Variants in SAMD9 observed in about 807,000 individuals in gnomAD.
SAMD9 encodes sterile alpha motif domain-containing protein 9.
A neutral mutation model predicts 1.5 loss-of-function variants in SAMD9; 3 were observed. The ratio of observed to expected loss-of-function variants is 2.05; its 90% confidence interval spans 0.93 to 5.29. SAMD9 has a LOEUF of 5.29. Among genes scored for constraint, SAMD9 ranks in the 30% most tolerant of loss-of-function variants. The pLI, the probability that SAMD9 is intolerant of heterozygous loss-of-function variation, is 0.02. For synonymous variants in SAMD9, 635 were observed against 631.9 expected (o/e 1.00, Z -0.07); for missense variants, 1,597 against 1,820.8 (o/e 0.88, Z 2.24).
rs148977164 is a variant in SAMD9 at position 93,104,880 on chromosome 7, A to G, written c.1218T>C (p.Asp406=). ...GAATGTACTGTTCATAGTATGAATT[A>G]TCTAACAAATCTTGATTTCCTGTCA... ...KLLTGNQDLL[D]NSYYEQYILV... is the part of the protein sequence containing the mutation. Residue 406 remains aspartate, a synonymous_variant, in exon 3 of 3, where the codon GAT becomes GAC. Coordinates refer to ENST00000379958, the MANE Select transcript of SAMD9 (RefSeq NM_017654.4). 14 of 1,612,880 alleles carry G rather than the reference A, an allele frequency of 8.7e-6. No homozygotes were observed. The highest frequency in any genetic ancestry group is 1.3e-5 in the African/African-American group (1 of 74,916).
At chr7:93,106,244 G>T in intron 2 of SAMD9, 139 bp from the exon 3 acceptor site, 1 of 507,430 alleles carries the variant, frequency 2.0e-6, no homozygotes, top group Non-Finnish European at 3.3e-6. Flanking sequence ...TTGAGAGAAT[G>T]TGACTATTGC....
chr7:93,102,388 T>G lies in SAMD9; in HGVS notation c.3710A>C (p.Asp1237Ala), dbSNP rs371082830. Residue 1237 changes from aspartate (D) to alanine (A), a missense_variant, in exon 3 of 3, where the codon GAT becomes GCT. By Grantham distance (126) the Asp-to-Ala change is moderately radical. Coordinates refer to ENST00000379958, the MANE Select transcript of SAMD9 (RefSeq NM_017654.4). ...YMVNFVSGSSDIPGDPNNEYK... is the reference protein window; with the variant it reads ...YMVNFVSGSSAIPGDPNNEYK... ...TTCATTGTTTGGATCCCCTGGAATA[T>G]CACTACTTCCTGATACAAAATTGAC... The G allele has an allele frequency of 7.5e-6, 12 of 1,610,026 alleles. No homozygotes were observed. The highest frequency in any genetic ancestry group is 1.0e-5 in the Non-Finnish European group (12 of 1,176,628).
intron 2 of SAMD9, 47 bp downstream of exon 2, chr7:93,114,748 T>G (rs951218797): frequency 6.6e-6 from 1 of 152,090 alleles, no homozygotes; most frequent in Non-Finnish European, 1.5e-5. Context: ...ACTGAATAAA[T>G]TGAAAACTGA....
chr7:93,113,802 G>T (rs899659544), intron 2 of SAMD9, among the ~76,000 whole-genome samples: 1 of 152,150 alleles, frequency 6.6e-6, no homozygotes, highest in South Asian at 2.1e-4. Flanking sequence ...GGAAACAACA[G>T]GTGCTGGAGA....
At position 93,100,925 on chromosome 7, in the gene SAMD9, G is replaced by T; in HGVS notation, c.*403C>A. The T allele has an allele frequency of 4.1e-6, 1 of 241,638 alleles. No homozygotes were observed. Among genetic ancestry groups the T allele is most frequent in the Admixed American group, 5.2e-5 (1 of 19,272 alleles). The allele number at this position is 241,638 out of a possible 1,614,324, so 15.0% of individuals were successfully genotyped here. On this transcript the variant is annotated 3_prime_UTR_variant, in exon 3 of 3. Coordinates refer to ENST00000379958, the MANE Select transcript of SAMD9 (RefSeq NM_017654.4). ...TTGCTCCTCAGTTTGAGAGGTTTTT[G>T]CTGTCTTTGAGAAATATTTTCCCAG...
At position 93,104,470 on chromosome 7, in the gene SAMD9, A is replaced by C. The variant is rs762514368; in HGVS notation, c.1628T>G (p.Phe543Cys). 1 of 1,614,048 alleles carries C rather than the reference A, an allele frequency of 6.2e-7. No homozygotes were observed. The highest frequency in any genetic ancestry group is 8.5e-7 in the Non-Finnish European group (1 of 1,179,908). The change falls in exon 3 of 3, where the codon TTT (phenylalanine) becomes TGT (cysteine). Residue 543 changes from phenylalanine to cysteine, a missense_variant. Coordinates refer to ENST00000379958, the MANE Select transcript of SAMD9 (RefSeq NM_017654.4). ...IMPRGKFLVV[F>C]LLLSSVDDPR... ...GTCATCCACAGAGGACAGTAATAGA[A>C]ATACCACCAAAAACTTCCCTCTTGG...
In SAMD9 at chr7:93,105,066, T is replaced by G; in HGVS notation, c.1032A>C (p.Arg344=). ...TAATGTCCTTAGAGCTGGTCCCATC[T>G]CGCACAAATAGTGAGAATTTTTTAC... is the stretch of plus-strand genomic sequence containing the variant. ...EQSKKFSLFV[R]DGTSSKDITK... is the part of the protein sequence containing the mutation. The change falls in exon 3 of 3, where the codon CGA becomes CGC. Residue 344 remains arginine, a synonymous_variant. Transcript: ENST00000379958. 2 of 1,614,038 alleles carry G rather than the reference T, an allele frequency of 1.2e-6. No individual in the cohort carries two copies. The highest frequency in any genetic ancestry group is 8.5e-7 in the Non-Finnish European group (1 of 1,179,962).
rs1383665674 is a variant in SAMD9, at chr7:93,099,799, C to G, written c.*1529G>C. The G allele has an allele frequency of 6.6e-6, 1 of 152,092 alleles. No homozygotes were observed. Among genetic ancestry groups the G allele is most frequent in the Non-Finnish European group, 1.5e-5 (1 of 68,006 alleles). 9.4% of individuals were successfully genotyped at this position (152,092 alleles called of 1,614,324 possible). A position where few individuals can be genotyped will look rare whatever the true frequency, so the allele number is the denominator to read the frequency against. ...TGTTAACTCAGGACTAATCTTGTTT[C>G]GGTTCTACTTCCCTTTCACCACCCC... is the stretch of plus-strand genomic sequence containing the variant. On this transcript the variant is annotated 3_prime_UTR_variant, in exon 3 of 3. Transcript: ENST00000379958.
Position 93,104,002 on chromosome 7 carries a change from T to C in SAMD9, c.2096A>G (p.Glu699Gly). Residue 699 changes from glutamate to glycine, a missense_variant, in exon 3 of 3, where the codon GAA becomes GGA. Around this residue, in one of 6 missense-constraint regions of SAMD9, gnomAD observed 358 missense variants for 460.4 expected, o/e 0.78. Coordinates refer to ENST00000379958, the MANE Select transcript of SAMD9 (RefSeq NM_017654.4). ...TTTGACAAAAGGTGAAGAATAACTT[T>C]CAGAAGAGAAGTAGAAGTTCCACCA... is the stretch of plus-strand genomic sequence containing the variant. ...VSWWNFYFSS[E>G]SYSSPFVKRD... 6.2e-7 allele frequency: 1 copy of C among 1,613,928 alleles called. No individual in the cohort carries two copies. The highest frequency in any genetic ancestry group is 8.5e-7 in the Non-Finnish European group (1 of 1,179,820).
Position 93,103,778 on chromosome 7 carries a change from C to T in SAMD9, c.2320G>A (p.Gly774Arg). 1.2e-6 allele frequency: 2 copies of T among 1,613,938 alleles called. No individual in the cohort carries two copies. The highest frequency in any genetic ancestry group is 1.7e-6 in the Non-Finnish European group (2 of 1,179,870). ...GTGATTAAACTGGTTACCTGTTCTC[C>T]AATTTCAGAAAAATCCACTGTCTTG... is the stretch of plus-strand genomic sequence containing the variant. Reference protein sequence around the residue: ...KNKTVDFSEIGEQVTSLITYG... With the variant: ...KNKTVDFSEIREQVTSLITYG... The change falls in exon 3 of 3, where the codon GGA becomes AGA. Residue 774 changes from glycine (G) to arginine (R), a missense_variant. Physicochemically the swap from Gly to Arg is moderately radical, Grantham distance 125. Around this residue, in one of 6 missense-constraint regions of SAMD9, gnomAD observed 358 missense variants for 460.4 expected, o/e 0.78. Coordinates refer to ENST00000379958, the MANE Select transcript of SAMD9 (RefSeq NM_017654.4).
chr7:93,103,745 C>A lies in SAMD9; in HGVS notation c.2353G>T (p.Ala785Ser), dbSNP rs780816774. 1 of 1,613,880 alleles carries A rather than the reference C, an allele frequency of 6.2e-7. No individual in the cohort carries two copies. Among genetic ancestry groups the A allele is most frequent in the East Asian group, 2.2e-5 (1 of 44,866 alleles). Residue 785 changes from alanine (A) to serine (S), a missense_variant, in exon 3 of 3, where the codon GCA (alanine) becomes TCA (serine). Physicochemically the swap from Ala to Ser is moderately conservative, Grantham distance 99. Around this residue, in one of 6 missense-constraint regions of SAMD9, gnomAD observed 358 missense variants for 460.4 expected, o/e 0.78. Transcript: ENST00000379958. ...EQVTSLITYG[A>S]MNRQEYVPVL... Reference sequence around the variant, plus strand: ...GGTACGTATTCCTGACGGTTCATTGCCCCATAGGTGATTAAACTGGTTACC... The same window carrying A: ...GGTACGTATTCCTGACGGTTCATTGACCCATAGGTGATTAAACTGGTTACC...
Position 93,101,759 on chromosome 7 carries a change from C to G in SAMD9, c.4339G>C (p.Asp1447His). 1 of 1,613,658 alleles carries G rather than the reference C, an allele frequency of 6.2e-7. No homozygotes were observed. Among genetic ancestry groups the G allele is most frequent in the Non-Finnish European group, 8.5e-7 (1 of 1,179,734 alleles). Residue 1447 changes from aspartate to histidine, a missense_variant, in exon 3 of 3, where the codon GAT becomes CAT. Coordinates refer to ENST00000379958, the MANE Select transcript of SAMD9 (RefSeq NM_017654.4). ...LLFWPENQQL[D>H]QHSEQMKEYA... is the part of the protein sequence containing the mutation. ...TCTTTCATTTGTTCAGAATGTTGAT[C>G]TAGTTGTTGATTTTCTGGCCAGAAT...
intron 1 of SAMD9, among the ~76,000 whole-genome samples, chr7:93,117,258 T>TTTGTTGTTGTTGTTG (rs201142138): frequency 2.1e-4 from 31 of 150,614 alleles, no homozygotes; most frequent in Non-Finnish European, 4.3e-4. Flanking sequence ...TATCTTTCCG[T>TTTGTTGTTGTTGTTG]TTGTTGTTGT....
At position 93,104,256 on chromosome 7, in the gene SAMD9, G is replaced by T; in HGVS notation, c.1842C>A (p.Ile614=). 3 of 1,613,720 alleles carry T rather than the reference G, an allele frequency of 1.9e-6. No individual in the cohort carries two copies. Among genetic ancestry groups the T allele is most frequent in the South Asian group, 1.1e-5 (1 of 91,050 alleles). The change falls in exon 3 of 3, where the codon ATC becomes ATA. Residue 614 remains isoleucine, a synonymous_variant. Coordinates refer to ENST00000379958, the MANE Select transcript of SAMD9 (RefSeq NM_017654.4). ...ATTTTAGTTTAAGAATAGTGCCATTGATCTCTTCAAGGCTTAAAGCAGAAA... is the reference window on the plus strand; with the variant it reads ...ATTTTAGTTTAAGAATAGTGCCATTTATCTCTTCAAGGCTTAAAGCAGAAA... ...QCISALSLEE[I]NGTILKLKSV...
Position 93,102,573 on chromosome 7 carries a change from A to G in SAMD9, c.3525T>C (p.Tyr1175=). 1.9e-6 allele frequency: 3 copies of G among 1,613,802 alleles called. No homozygotes were observed. Among genetic ancestry groups the G allele is most frequent in the Non-Finnish European group, 2.5e-6 (3 of 1,179,788 alleles). ...ESQQQSEDRE[Y]EVKERLYPKS... is the part of the protein sequence containing the mutation. ...TCGGATACAATCTTTCCTTCACTTCATACTCTCTATCTTCACTTTGCTGTT... is the reference window on the plus strand; with the variant it reads ...TCGGATACAATCTTTCCTTCACTTCGTACTCTCTATCTTCACTTTGCTGTT... Residue 1175 remains tyrosine (Y), a synonymous_variant, in exon 3 of 3, where the codon TAT becomes TAC. Coordinates refer to ENST00000379958, the MANE Select transcript of SAMD9 (RefSeq NM_017654.4).
intron 2 of SAMD9, among the ~76,000 whole-genome samples, chr7:93,110,758 C>T (rs557610365): frequency 3.9e-5 from 6 of 152,096 alleles, no homozygotes; most frequent in Non-Finnish European, 7.4e-5. Flanking sequence ...AGAGCTAACT[C>T]TCCTAAATAT....
chr7:93,102,624 A>G lies in SAMD9; in HGVS notation c.3474T>C (p.His1158=). The G allele has an allele frequency of 6.2e-7, 1 of 1,613,892 alleles. No individual in the cohort carries two copies. Among genetic ancestry groups the G allele is most frequent in the Non-Finnish European group, 8.5e-7 (1 of 1,179,802 alleles). Residue 1158 remains histidine, a synonymous_variant, in exon 3 of 3, where the codon CAT becomes CAC. Coordinates refer to ENST00000379958, the MANE Select transcript of SAMD9 (RefSeq NM_017654.4). The part of the protein sequence containing the change: ...DLIALLDLAE[H]ASSAFKESQQ... Reference sequence around the variant, plus strand: ...GAGATTCTTTGAATGCACTTGAGGCATGTTCTGCTAAATCCAAAAGAGCAA... The same window carrying G: ...GAGATTCTTTGAATGCACTTGAGGCGTGTTCTGCTAAATCCAAAAGAGCAA...
intron 2 of SAMD9, 67 bp from the exon 3 acceptor site, chr7:93,106,172 A>G: frequency 9.6e-7 from 1 of 1,044,314 alleles, no homozygotes; most frequent in Non-Finnish European, 1.3e-6. Flanking sequence ...ATTTTAGTAG[A>G]TAATATATAC....
At chr7:93,107,504 C>G (rs1186696414) in intron 2 of SAMD9, among the ~76,000 whole-genome samples, 2 of 150,262 alleles carry the variant, frequency 1.3e-5, no homozygotes, top group East Asian at 3.8e-4. Flanking sequence ...TAATAATAGT[C>G]AGCTTTAAGT....
Sources: gnomAD v4.1 joint callset for allele counts (sites outside exome capture counted in the v4.1 genomes callset) on GRCh38, gnomAD v4.1.1 for gene constraint, gnomAD v4.1.1 regional missense constraint, MANE v1.5 for transcripts, NCBI Gene and HGNC (gene_info 2026-07-23, HGNC 2026-07-21) for gene names.